The following HNF4G variants were observed in gnomAD, a reference collection of about 807,000 sequenced individuals.
The protein encoded by HNF4G is hepatocyte nuclear factor 4-gamma.
In HNF4G, 21 loss-of-function variants were observed where a neutral mutation model predicts 50.9. The observed-to-expected ratio is 0.41, with a 90% confidence interval of 0.29 to 0.59. The LOEUF (loss-of-function observed/expected upper bound fraction) is 0.59, where lower values mean the gene tolerates loss of function less well. HNF4G is among the 20% of genes least tolerant of loss of function. The pLI, the probability that HNF4G is intolerant of heterozygous loss-of-function variation, is 0.26. For synonymous variants in HNF4G, 198 were observed against 185.6 expected, an observed-to-expected ratio of 1.07 and a Z score of -0.54; for missense variants, 527 against 559.4, an observed-to-expected ratio of 0.94 and a Z score of 0.58.
At chr8:75,537,301 T>G (rs1229160572), upstream of HNF4G, among the ~76,000 whole-genome samples, 1 of 152,164 alleles carries the variant, frequency 6.6e-6, no homozygotes, top group Non-Finnish European at 1.5e-5. Flanking sequence ...TGGACTGCAG[T>G]GGCATGATCT....
intron 2 of HNF4G, among the ~76,000 whole-genome samples, chr8:75,506,844 T>TCAA (rs1476799531): frequency 3.1e-5 from 4 of 129,450 alleles, no homozygotes; most frequent in African/African-American, 1.5e-4. Flanking sequence ...TTGTGGCAGA[T>TCAA]CATCAACAAC....
At chr8:75,416,045 A>T (rs539465005) in intron 1 of HNF4G, among the ~76,000 whole-genome samples, 8 of 152,286 alleles carry the variant, frequency 5.3e-5, no homozygotes, top group Admixed American at 4.6e-4. Flanking sequence ...AATTTTTTTT[A>T]GTTGTCTTTT....
intron 2 of HNF4G, among the ~76,000 whole-genome samples, chr8:75,529,163 C>T (rs996017764): frequency 2.0e-4 from 30 of 152,034 alleles, no homozygotes; most frequent in African/African-American, 5.8e-4. Context: ...TGGTGGCGGG[C>T]GCCTGTAGTC....
intron 8 of HNF4G, among the ~76,000 whole-genome samples, chr8:75,559,898 T>C (rs1807256568): frequency 6.6e-6 from 1 of 152,212 alleles, no homozygotes. Flanking sequence ...ATCATTTATT[T>C]TGCATTCCAA....
At chr8:75,417,131 A>G (rs1018112353) in intron 1 of HNF4G, among the ~76,000 whole-genome samples, 3 of 152,190 alleles carry the variant, frequency 2.0e-5, no homozygotes, top group Non-Finnish European at 4.4e-5. Context: ...GCACACACAC[A>G]CACACACACA....
chr8:75,529,561 A>G (rs567924783), intron 2 of HNF4G, among the ~76,000 whole-genome samples: 2 of 152,288 alleles, frequency 1.3e-5, no homozygotes, highest in East Asian at 1.9e-4. Flanking sequence ...ACCATTTTCT[A>G]TGGTAGTGGG....
At chr8:75,540,806 A>T (rs1806597317) in intron 1 of HNF4G, among the ~76,000 whole-genome samples, 1 of 151,772 alleles carries the variant, frequency 6.6e-6, no homozygotes, top group Admixed American at 6.6e-5. Flanking sequence ...TATAACTGTT[A>T]GAACTCCTAA....
chr8:75,563,164 G>T (rs995407144), intron 9 of HNF4G, among the ~76,000 whole-genome samples: 5 of 151,984 alleles, frequency 3.3e-5, no homozygotes, highest in African/African-American at 1.2e-4. Flanking sequence ...TTACTATGTG[G>T]AATAATACAA....
intron 1 of HNF4G, among the ~76,000 whole-genome samples, chr8:75,419,559 T>G (rs1165520558): frequency 6.6e-6 from 1 of 152,166 alleles, no homozygotes; most frequent in Admixed American, 6.5e-5. Context: ...ACATAAGCCT[T>G]TAAGATACAA....
chr8:75,416,390 A>G (rs1389483857), intron 1 of HNF4G, among the ~76,000 whole-genome samples: 1 of 151,892 alleles, frequency 6.6e-6, no homozygotes, highest in Non-Finnish European at 1.5e-5. Flanking sequence ...TCAGTTTTTG[A>G]ACTTACTTGG....
Position 75,564,224 on chromosome 8 carries a change from C to A in HNF4G, c.*128C>A. 1.1e-6 allele frequency: 1 copy of A among 892,742 alleles called. No individual in the cohort carries two copies. Among genetic ancestry groups the A allele is most frequent in the African/African-American group, 1.7e-5 (1 of 58,878 alleles). 55.3% of individuals were successfully genotyped at this position (892,742 alleles called of 1,614,324 possible). On this transcript the variant is annotated 3_prime_UTR_variant, in exon 10 of 10. Transcript: ENST00000396423. Reference sequence around the variant, plus strand: ...CATTGGTGCTGTTATAAGATGGTGTCCTATTTTCTTGTTTATACGTTCATT... The same window carrying A: ...CATTGGTGCTGTTATAAGATGGTGTACTATTTTCTTGTTTATACGTTCATT...
intron 2 of HNF4G, among the ~76,000 whole-genome samples, chr8:75,519,996 C>CT (rs991214482): frequency 4.6e-5 from 7 of 151,778 alleles, no homozygotes; most frequent in African/African-American, 1.7e-4. Flanking sequence ...TTTTCTGTTT[C>CT]TTTTTTTTCT....
rs61003427 is a variant in HNF4G at position 75,556,074 on chromosome 8, GTTTT to G, written c.733+14_733+17del. The stretch of plus-strand genomic sequence containing the variant: ...ATAAAGATATTTTGCTTTTGGGTAA[GTTTT>G]TTTTTTTTAATTTAAGAAGAAATTA... On this transcript the variant is annotated splice_donor_region_variant and intron_variant, in intron 6 of 9. Transcript: ENST00000396423. The G allele has an allele frequency of 1.4e-5, 18 of 1,258,178 alleles. No individual in the cohort carries two copies. In the African/African-American group the frequency reaches 1.6e-4, roughly 11 times the overall value. 77.9% of individuals were successfully genotyped at this position (1,258,178 alleles called of 1,614,324 possible).
intron 2 of HNF4G, among the ~76,000 whole-genome samples, chr8:75,546,679 G>C (rs1423532654): frequency 6.6e-6 from 1 of 152,034 alleles, no homozygotes; most frequent in African/African-American, 2.4e-5. Context: ...GTTTATCCCT[G>C]TTATAGCATT....
chr8:75,448,921 G>A (rs1367510599), intron 1 of HNF4G, among the ~76,000 whole-genome samples: 1 of 151,992 alleles, frequency 6.6e-6, no homozygotes, highest in South Asian at 2.1e-4. Flanking sequence ...AAATGCAAAG[G>A]ACTTTGTGAA....
intron 3 of HNF4G, among the ~76,000 whole-genome samples, chr8:75,550,036 A>G (rs753062790): frequency 2.6e-5 from 4 of 152,166 alleles, no homozygotes; most frequent in African/African-American, 4.8e-5. Flanking sequence ...AAAAGCAAAA[A>G]GTCCTGTAAT....
intron 1 of HNF4G, among the ~76,000 whole-genome samples, chr8:75,422,744 C>T (rs978380257): frequency 1.3e-5 from 2 of 152,054 alleles, no homozygotes; most frequent in East Asian, 1.9e-4. Context: ...CGCCATTCTC[C>T]TGACTCAGCC....
chr8:75,527,535 A>C (rs1806217077), intron 2 of HNF4G, among the ~76,000 whole-genome samples: 2 of 152,236 alleles, frequency 1.3e-5, no homozygotes. Context: ...ATATATACAC[A>C]GACATACACA....
chr8:75,559,383 C>T lies in HNF4G; in HGVS notation c.1123+346C>T, dbSNP rs1381493199. On this transcript the variant is annotated intron_variant, in intron 8 of 9. Transcript: ENST00000396423. ...CCGACTCCCTAATTCAAGTGATTCT[C>T]CTGCTTCAGCCTCCGGAGTAGCTGG... Among the ~76,000 whole-genome samples, 6 of 152,076 alleles carry T rather than the reference C, an allele frequency of 3.9e-5. No homozygotes were observed. The East Asian group carries it at 9.7e-4, about 25-fold the overall frequency.
Sources: allele counts gnomAD v4.1 joint callset (sites outside exome capture counted in the v4.1 genomes callset), GRCh38; gene constraint gnomAD v4.1.1; transcripts MANE v1.5; gene names NCBI Gene and HGNC (gene_info 2026-07-23, HGNC 2026-07-21).